Variants in LTBP1 observed in about 807,000 individuals in gnomAD.
The protein encoded by LTBP1 is latent-transforming growth factor beta-binding protein 1.
LTBP1 carries 129 observed loss-of-function variants against 207.6 expected under a neutral mutation model. The observed-to-expected ratio is 0.62, with a 90% confidence interval of 0.54 to 0.72. LTBP1 has a LOEUF of 0.72. Ranked by LOEUF, LTBP1 falls within the 30% of genes least tolerant of loss-of-function variation. LTBP1 has a pLI of 0.00. For synonymous variants in LTBP1, 963 were observed against 833.7 expected (o/e 1.16, Z -2.67); for missense variants, 2,281 against 2,217.2 (o/e 1.03, Z -0.58).
chr2:33,189,699 G>A (rs974659209), intron 7 of LTBP1, among the ~76,000 whole-genome samples: 1 of 152,176 alleles, frequency 6.6e-6, no homozygotes, highest in African/African-American at 2.4e-5. Context: ...ATCTTTGACA[G>A]GAAGTAATAT....
intron 2 of LTBP1, among the ~76,000 whole-genome samples, chr2:32,990,831 G>A (rs1224423553): frequency 2.0e-5 from 3 of 152,136 alleles, no homozygotes; most frequent in Non-Finnish European, 4.4e-5. Context: ...GACACATCAT[G>A]GTGGATGTAA....
At chr2:33,249,273 G>A (rs1422474817) in intron 10 of LTBP1, among the ~76,000 whole-genome samples, 3 of 151,550 alleles carry the variant, frequency 2.0e-5, no homozygotes, top group Non-Finnish European at 4.4e-5. Flanking sequence ...TGCTGAGCTT[G>A]TGGGAGTTAT....
chr2:33,307,085 C>CAAAAAAAAAAAAAAA (rs1291775472), intron 22 of LTBP1, among the ~76,000 whole-genome samples: 6 of 151,712 alleles, frequency 4.0e-5, no homozygotes, highest in Non-Finnish European at 7.4e-5. Context: ...GACTCCATCT[C>CAAAAAAAAAAAAAAA]AAAAACAAAA....
chr2:33,293,205 G>A lies in LTBP1; in HGVS notation c.3158G>A (p.Cys1053Tyr). The change falls in exon 20 of 34, where the codon TGT becomes TAT. Residue 1053 changes from cysteine to tyrosine, a missense_variant. Physicochemically the swap from Cys to Tyr is radical, Grantham distance 194. Coordinates refer to ENST00000404816, the MANE Select transcript of LTBP1 (RefSeq NM_206943.4). ...LEPNVCANGD[C>Y]SNLEGSYMCS... ...CCAAACGTCTGCGCAAATGGTGATT[G>A]TTCCAACCTTGAAGGCTCCTACATG... 6.2e-7 allele frequency: 1 copy of A among 1,614,064 alleles called. No individual in the cohort carries two copies. Among genetic ancestry groups the A allele is most frequent in the Non-Finnish European group, 8.5e-7 (1 of 1,179,974 alleles).
chr2:32,973,069 A>C (rs545313278), intron 2 of LTBP1, among the ~76,000 whole-genome samples: 1 of 151,998 alleles, frequency 6.6e-6, no homozygotes, highest in South Asian at 2.1e-4. Flanking sequence ...TGTGTGGTCA[A>C]TTTTAGAGTA....
chr2:33,334,916 A>T (rs1232084857), intron 24 of LTBP1, among the ~76,000 whole-genome samples: 12 of 150,376 alleles, frequency 8.0e-5, no homozygotes, highest in African/African-American at 2.2e-4. Context: ...TAAAAATTAA[A>T]AAAAAAAAAA....
intron 5 of LTBP1, among the ~76,000 whole-genome samples, chr2:33,153,712 AAATTCTAAGTG>A (rs2083724485): frequency 1.3e-5 from 2 of 152,234 alleles, no homozygotes; most frequent in Non-Finnish European, 2.9e-5. Context: ...AATTCCTGGT[AAATTCTAAGTG>A]AATTCTGAAT....
At chr2:32,987,215 A>G (rs66524241) in intron 2 of LTBP1, among the ~76,000 whole-genome samples, 15,771 of 152,190 alleles carry the variant, frequency 0.1, 923 homozygotes, top group Middle Eastern at 0.12. Context: ...GGGTGGGTAT[A>G]GTTGCAGAAG....
At chr2:33,093,668 G>T (rs1043910583) in intron 3 of LTBP1, among the ~76,000 whole-genome samples, 1 of 152,038 alleles carries the variant, frequency 6.6e-6, no homozygotes, top group Non-Finnish European at 1.5e-5. Context: ...TATATAAAGA[G>T]AAATTACTCT....
Position 32,974,864 on chromosome 2 carries a change from T to G in LTBP1, c.565+25919T>G, listed in dbSNP as rs532399221. Among the ~76,000 whole-genome samples, 5 of 152,252 alleles carry G rather than the reference T, an allele frequency of 3.3e-5. No homozygotes were observed. In the East Asian group the frequency reaches 9.6e-4, roughly 29 times the overall value. Reference sequence around the variant, plus strand: ...ACTCTGTGCCTTTTAACTGAGACGTTTAACCCATTTACATTCAAGGTTAAT... The same window carrying G: ...ACTCTGTGCCTTTTAACTGAGACGTGTAACCCATTTACATTCAAGGTTAAT... On this transcript the variant is annotated intron_variant, in intron 2 of 33. Transcript: ENST00000404816.
intron 24 of LTBP1, among the ~76,000 whole-genome samples, chr2:33,318,274 A>G (rs1227602924): frequency 6.6e-6 from 1 of 152,182 alleles, no homozygotes; most frequent in Non-Finnish European, 1.5e-5. Context: ...CTCCCATGTA[A>G]GGTAAAGAAT....
At chr2:33,139,210 A>G (rs1245857213) in intron 5 of LTBP1, among the ~76,000 whole-genome samples, 1 of 151,996 alleles carries the variant, frequency 6.6e-6, no homozygotes, top group Non-Finnish European at 1.5e-5. Flanking sequence ...CCTCTTCGGC[A>G]TATGGTACTA....
intron 3 of LTBP1, among the ~76,000 whole-genome samples, chr2:33,032,291 A>G (rs2075726216): frequency 6.6e-6 from 1 of 152,156 alleles, no homozygotes; most frequent in African/African-American, 2.4e-5. Flanking sequence ...GTGTTGATCA[A>G]ACTAACACAT....
chr2:33,336,593 G>A (rs1439266174), intron 24 of LTBP1, among the ~76,000 whole-genome samples: 1 of 152,132 alleles, frequency 6.6e-6, no homozygotes, highest in Non-Finnish European at 1.5e-5. Context: ...AGTAGCTTTG[G>A]AGATTTTCCT....
At chr2:33,263,745 A>AGAT (rs1332354793) in intron 15 of LTBP1, among the ~76,000 whole-genome samples, 1 of 151,960 alleles carries the variant, frequency 6.6e-6, no homozygotes, top group Non-Finnish European at 1.5e-5. Context: ...CAAGGTCAAG[A>AGAT]GATCGAGACC....
intron 3 of LTBP1, among the ~76,000 whole-genome samples, chr2:33,082,377 C>A (rs1042955148): frequency 4.0e-5 from 6 of 149,802 alleles, no homozygotes; most frequent in African/African-American, 1.5e-4. Context: ...GGACAGGTAG[C>A]ATAGTGGGGA....
chr2:33,203,231 A>G (rs181234846), intron 7 of LTBP1, among the ~76,000 whole-genome samples: 2 of 152,266 alleles, frequency 1.3e-5, no homozygotes, highest in Admixed American at 6.5e-5. Flanking sequence ...CCTCTGCCAG[A>G]TTGACTTTCG....
intron 2 of LTBP1, among the ~76,000 whole-genome samples, chr2:32,990,943 T>G (rs1487357885): frequency 6.6e-6 from 1 of 152,158 alleles, no homozygotes; most frequent in Non-Finnish European, 1.5e-5. Context: ...CAGTGGACAG[T>G]TCATCTCTCA....
intron 3 of LTBP1, among the ~76,000 whole-genome samples, chr2:33,083,018 C>T (rs2078535119): frequency 6.6e-6 from 1 of 152,036 alleles, no homozygotes; most frequent in Admixed American, 6.5e-5. Context: ...TGCCAAGCTC[C>T]ACCACAAACC....
Sources: allele counts gnomAD v4.1 joint callset (sites outside exome capture counted in the v4.1 genomes callset), GRCh38; gene constraint gnomAD v4.1.1; transcripts MANE v1.5; gene names NCBI Gene and HGNC (gene_info 2026-07-23, HGNC 2026-07-21).